RSBN1L: variants seen among roughly 807,000 people sequenced by gnomAD.
The protein encoded by RSBN1L is round spermatid basic protein 1 like, also known as lysine-specific demethylase RSBN1L.
Under a neutral mutation model 67.7 loss-of-function variants are expected in RSBN1L, and 30 were observed. The ratio of observed to expected loss-of-function variants is 0.44; its 90% confidence interval spans 0.33 to 0.60. The LOEUF (loss-of-function observed/expected upper bound fraction) is 0.60. RSBN1L is among the 20% of genes least tolerant of loss of function. The pLI is 0.02. For missense variants in RSBN1L, 992 were observed against 1,031.7 expected, an observed-to-expected ratio of 0.96 and a Z score of 0.53; for synonymous variants, 433 against 387.0, an observed-to-expected ratio of 1.12 and a Z score of -1.39.
At chr7:77,699,953 C>A (rs1276087900) in intron 1 of RSBN1L, among the ~76,000 whole-genome samples, 1 of 152,054 alleles carries the variant, frequency 6.6e-6, no homozygotes, top group Non-Finnish European at 1.5e-5. Context: ...CTCGCCAACA[C>A]GCCTGGCTAA....
chr7:77,776,765 A>G (rs902961558), intron 6 of RSBN1L, among the ~76,000 whole-genome samples: 2 of 151,534 alleles, frequency 1.3e-5, no homozygotes, highest in African/African-American at 2.4e-5. Context: ...ATCTTTTCCC[A>G]TTCTTTTTCT....
intron 1 of RSBN1L, among the ~76,000 whole-genome samples, chr7:77,718,414 C>T (rs903184192): frequency 6.6e-6 from 1 of 152,054 alleles, no homozygotes; most frequent in African/African-American, 2.4e-5. Context: ...CCTCAGTCTC[C>T]TGAGTAACTG....
At chr7:77,714,048 A>C (rs1266951747) in intron 1 of RSBN1L, among the ~76,000 whole-genome samples, 1 of 152,170 alleles carries the variant, frequency 6.6e-6, no homozygotes, top group Non-Finnish European at 1.5e-5. Context: ...TATCATACTA[A>C]AATCACATGT....
At chr7:77,715,886 A>G (rs1267410147) in intron 1 of RSBN1L, among the ~76,000 whole-genome samples, 4 of 151,704 alleles carry the variant, frequency 2.6e-5, no homozygotes, top group Non-Finnish European at 4.4e-5. Context: ...TCATGTACTT[A>G]TTTTCTATAT....
At chr7:77,724,847 GTT>G (rs1306843890) in intron 1 of RSBN1L, among the ~76,000 whole-genome samples, 1 of 132,352 alleles carries the variant, frequency 7.6e-6, no homozygotes, top group Non-Finnish European at 1.6e-5. Flanking sequence ...TTTCTTTTTT[GTT>G]TTTTTTTTTT....
chr7:77,702,593 T>C (rs562782346), intron 1 of RSBN1L, among the ~76,000 whole-genome samples: 2 of 152,326 alleles, frequency 1.3e-5, no homozygotes, highest in South Asian at 2.1e-4. Flanking sequence ...TTTCTTCAGA[T>C]AGATGTCCTT....
At chr7:77,766,320 G>A (rs928235188) in intron 4 of RSBN1L, among the ~76,000 whole-genome samples, 1 of 152,180 alleles carries the variant, frequency 6.6e-6, no homozygotes, top group African/African-American at 2.4e-5. Flanking sequence ...AAGTACCTCG[G>A]ATTACAGGCA....
chr7:77,749,242 A>G (rs1791522723), intron 2 of RSBN1L, among the ~76,000 whole-genome samples, 182 bp from the exon 3 acceptor site: 1 of 152,178 alleles, frequency 6.6e-6, no homozygotes, highest in Non-Finnish European at 1.5e-5. Context: ...CGACAGAGCA[A>G]GACTCTGTCT....
chr7:77,773,937 C>T (rs997278865), intron 6 of RSBN1L, among the ~76,000 whole-genome samples: 12 of 152,158 alleles, frequency 7.9e-5, no homozygotes, highest in East Asian at 1.9e-4. Flanking sequence ...TTTTTCTCAA[C>T]TGCTTTTTGC....
intron 1 of RSBN1L, among the ~76,000 whole-genome samples, chr7:77,709,199 T>TGC (rs1790936634): frequency 1.4e-4 from 5 of 34,688 alleles, no homozygotes; most frequent in Non-Finnish European, 2.7e-4. Context: ...TGTGTGTGTA[T>TGC]GTATGTGTAT....
intron 5 of RSBN1L, 97 bp downstream of exon 5, chr7:77,768,900 T>A (rs1584303759): frequency 1.0e-6 from 1 of 995,566 alleles, no homozygotes. Flanking sequence ...ATGCAAAGTT[T>A]AGAGCATAAT....
At chr7:77,721,487 G>GGGA (rs1281594204) in intron 1 of RSBN1L, among the ~76,000 whole-genome samples, 1 of 152,164 alleles carries the variant, frequency 6.6e-6, no homozygotes, top group Non-Finnish European at 1.5e-5. Flanking sequence ...TTATAGAAGA[G>GGGA]GGAGGAGGAG....
chr7:77,714,779 G>C (rs560671949), intron 1 of RSBN1L, among the ~76,000 whole-genome samples: 1 of 151,990 alleles, frequency 6.6e-6, no homozygotes, highest in East Asian at 1.9e-4. Context: ...TGGCTAACAC[G>C]GTGAAACCCC....
chr7:77,720,064 G>A (rs902739093), intron 1 of RSBN1L, among the ~76,000 whole-genome samples: 1 of 152,146 alleles, frequency 6.6e-6, no homozygotes, highest in Non-Finnish European at 1.5e-5. Context: ...GTTCCCAGCT[G>A]TATGTGTCCT....
intron 2 of RSBN1L, among the ~76,000 whole-genome samples, chr7:77,742,866 T>C (rs984774380): frequency 7.6e-4 from 116 of 152,138 alleles, no homozygotes; most frequent in Non-Finnish European, 4.6e-4. Flanking sequence ...CGAACTATAT[T>C]GTTTGCACAG....
chr7:77,765,481 C>A lies in RSBN1L; in HGVS notation c.1345-14C>A. 6.6e-7 allele frequency: 1 copy of A among 1,513,474 alleles called. No homozygotes were observed. Among genetic ancestry groups the A allele is most frequent in the Admixed American group, 2.1e-5 (1 of 48,642 alleles). The allele number at this position is 1,513,474 out of a possible 1,614,324, so 93.8% of individuals were successfully genotyped here. ...GAACGTATTTAACTTTTAATTAAAT[C>A]CATGTTTCTTCAGGTAAAAAGAACG... On this transcript the variant is annotated splice_polypyrimidine_tract_variant and intron_variant, in intron 3 of 7. Coordinates refer to ENST00000334955, the MANE Select transcript of RSBN1L (RefSeq NM_198467.3).
intron 3 of RSBN1L, 37 bp from the exon 4 acceptor site, chr7:77,765,458 A>G (rs150813296): frequency 3.1e-5 from 45 of 1,460,440 alleles, no homozygotes; most frequent in Non-Finnish European, 4.1e-5. Context: ...GGTAAAAAGA[A>G]CGTATTTAAC....
At chr7:77,722,086 A>T (rs1402372811) in intron 1 of RSBN1L, among the ~76,000 whole-genome samples, 2 of 152,148 alleles carry the variant, frequency 1.3e-5, no homozygotes, top group African/African-American at 2.4e-5. Flanking sequence ...GTTACTGAAA[A>T]TTTTTTGTAT....
At chr7:77,708,028 G>A (rs1790917744) in intron 1 of RSBN1L, among the ~76,000 whole-genome samples, 1 of 152,166 alleles carries the variant, frequency 6.6e-6, no homozygotes, top group African/African-American at 2.4e-5. Flanking sequence ...CAGATCTTTA[G>A]ATAGTCTGAT....
Sources: gnomAD v4.1 joint callset for allele counts (sites outside exome capture counted in the v4.1 genomes callset) on GRCh38, gnomAD v4.1.1 for gene constraint, MANE v1.5 for transcripts, NCBI Gene and HGNC (gene_info 2026-07-23, HGNC 2026-07-21) for gene names.